The following INPP4B variants were observed in gnomAD, a reference collection of about 807,000 sequenced individuals.
The protein encoded by INPP4B is inositol polyphosphate 4-phosphatase type II.
Under a neutral mutation model 122.5 loss-of-function variants are expected in INPP4B, and 55 were observed. The observed-to-expected ratio is 0.45, with a 90% CI of 0.36 to 0.56. The LOEUF is 0.56. Among genes scored for constraint, INPP4B ranks in the 20% least tolerant of loss-of-function variants. The pLI, the probability that INPP4B is intolerant of heterozygous loss-of-function variation, is 0.00. For synonymous variants in INPP4B, 403 were observed against 388.7 expected (o/e 1.04, Z -0.43); for missense variants, 1,000 against 1,097.7 (o/e 0.91, Z 1.26).
At chr4:142,537,398 C>T (rs1234170646) in intron 2 of INPP4B, among the ~76,000 whole-genome samples, 1 of 54,558 alleles carries the variant, frequency 1.8e-5, no homozygotes, top group Non-Finnish European at 4.4e-5. Context: ...ATTTTACATA[C>T]AGTATATATA....
chr4:142,804,088 A>AATAAATAAATAT (rs577333028), intron 1 of INPP4B, among the ~76,000 whole-genome samples: 1,544 of 151,236 alleles, frequency 0.01, 31 homozygotes, highest in African/African-American at 0.033. Flanking sequence ...TAAATAAATA[A>AATAAATAAATAT]ATAAATAAAT....
intron 2 of INPP4B, chr4:142,560,395 G>A (rs954832221): frequency 1.3e-5 from 2 of 152,152 alleles, no homozygotes; most frequent in African/African-American, 4.8e-5. Flanking sequence ...GTTCTCTAGA[G>A]GGACAGAACT....
chr4:142,466,743 T>C (rs58048713), intron 2 of INPP4B, among the ~76,000 whole-genome samples: 8,086 of 152,210 alleles, frequency 0.053, 252 homozygotes, highest in East Asian at 0.12. Context: ...GACCCTGCCA[T>C]CATAGGCCCA....
At chr4:142,720,143 A>G (rs2150833172) in intron 2 of INPP4B, among the ~76,000 whole-genome samples, 1 of 152,330 alleles carries the variant, frequency 6.6e-6, no homozygotes, top group East Asian at 1.9e-4. Flanking sequence ...AGTAAAAATA[A>G]CTTGTTACAT....
intron 7 of INPP4B, among the ~76,000 whole-genome samples, chr4:142,391,555 G>A (rs1377004291): frequency 6.6e-6 from 1 of 152,074 alleles, no homozygotes; most frequent in Non-Finnish European, 1.5e-5. Context: ...AAGTGAGACT[G>A]TGTCTCAAAA....
intron 12 of INPP4B, among the ~76,000 whole-genome samples, chr4:142,214,812 C>T (rs534665165): frequency 6.6e-6 from 1 of 152,316 alleles, no homozygotes; most frequent in East Asian, 1.9e-4. Context: ...CTCAGCCTCC[C>T]AAAGTGCTGG....
chr4:142,305,323 T>G, intron 9 of INPP4B, 135 bp downstream of exon 9: 1 of 647,238 alleles, frequency 1.5e-6, no homozygotes, highest in East Asian at 2.6e-5. Flanking sequence ...TATAACTTGC[T>G]GCAGTGGAGA....
chr4:142,552,714 T>G (rs143854504), intron 2 of INPP4B, among the ~76,000 whole-genome samples: 3 of 152,250 alleles, frequency 2.0e-5, no homozygotes, highest in Non-Finnish European at 1.5e-5. Context: ...CAGACACTGC[T>G]GTAAGTATTT....
intron 25 of INPP4B, among the ~76,000 whole-genome samples, chr4:142,060,067 A>G (rs1759760444): frequency 6.6e-6 from 1 of 152,142 alleles, no homozygotes; most frequent in Admixed American, 6.6e-5. Flanking sequence ...TACATACGTG[A>G]CTGATTTTTG....
intron 1 of INPP4B, among the ~76,000 whole-genome samples, chr4:142,741,368 A>C (rs1192482314): frequency 1.3e-5 from 2 of 151,864 alleles, no homozygotes; most frequent in African/African-American, 4.8e-5. Flanking sequence ...AAACAACCAA[A>C]TATTATGTGA....
At chr4:142,388,460 G>A (rs1191739059) in intron 7 of INPP4B, among the ~76,000 whole-genome samples, 1 of 151,958 alleles carries the variant, frequency 6.6e-6, no homozygotes, top group Non-Finnish European at 1.5e-5. Context: ...CACATGAGAG[G>A]CCCTAAGATA....
At chr4:142,137,953 T>G (rs2152816075) in intron 18 of INPP4B, among the ~76,000 whole-genome samples, 1 of 152,212 alleles carries the variant, frequency 6.6e-6, no homozygotes, top group South Asian at 2.1e-4. Context: ...GTAAACTAGT[T>G]CAACCATTGT....
chr4:142,302,288 C>T (rs1408713761), intron 9 of INPP4B, among the ~76,000 whole-genome samples: 1 of 152,152 alleles, frequency 6.6e-6, no homozygotes, highest in African/African-American at 2.4e-5. Context: ...GTGGTGAAGT[C>T]AAACGTGGAA....
chr4:142,260,447 A>C (rs763219396), intron 11 of INPP4B, 45 bp downstream of exon 11: 1 of 1,189,592 alleles, frequency 8.4e-7, no homozygotes, highest in Non-Finnish European at 1.2e-6. Flanking sequence ...TAAAATTAAA[A>C]TTCATTTTTG....
At chr4:142,409,206 G>A (rs927047758) in intron 5 of INPP4B, among the ~76,000 whole-genome samples, 5 of 152,056 alleles carry the variant, frequency 3.3e-5, no homozygotes, top group African/African-American at 1.2e-4. Context: ...AAAATAAATG[G>A]AGGGGGCCAC....
intron 2 of INPP4B, among the ~76,000 whole-genome samples, chr4:142,549,213 T>G (rs1727388792): frequency 6.6e-6 from 1 of 152,234 alleles, no homozygotes; most frequent in East Asian, 1.9e-4. Flanking sequence ...TTTTGAAGTT[T>G]TTTTCTCTTC....
intron 1 of INPP4B, among the ~76,000 whole-genome samples, chr4:142,759,825 T>TG (rs377283382): frequency 1.4e-5 from 1 of 70,070 alleles, no homozygotes; most frequent in Non-Finnish European, 2.6e-5. Flanking sequence ...GAGCTTTTTC[T>TG]AAAAAAAAAA....
chr4:142,153,102 A>C (rs1815215088), intron 17 of INPP4B, among the ~76,000 whole-genome samples: 1 of 152,256 alleles, frequency 6.6e-6, no homozygotes. Context: ...AATTCAGTGC[A>C]AATATTAAAT....
chr4:142,295,180 A>G (rs1359136837), intron 9 of INPP4B, among the ~76,000 whole-genome samples: 1 of 152,158 alleles, frequency 6.6e-6, no homozygotes, highest in Non-Finnish European at 1.5e-5. Flanking sequence ...AGGTGATTAC[A>G]AAAATATGTG....
Sources: allele counts gnomAD v4.1 joint callset (sites outside exome capture counted in the v4.1 genomes callset), GRCh38; gene constraint gnomAD v4.1.1; transcripts MANE v1.5; gene names NCBI Gene and HGNC (gene_info 2026-07-23, HGNC 2026-07-21).